The following BTN2A1 variants were observed in gnomAD, a reference collection of about 807,000 sequenced individuals.
BTN2A1 encodes butyrophilin, subfamily 2, member A1.
A neutral mutation model predicts 34.5 loss-of-function variants in BTN2A1; 41 were observed. That is an observed-to-expected ratio of 1.19 (90% CI 0.93 to 1.54). The LOEUF (loss-of-function observed/expected upper bound fraction) is 1.54, where lower values mean the gene tolerates loss of function less well. BTN2A1 is among the 40% of genes most tolerant of loss of function. The pLI is 0.00. For synonymous variants in BTN2A1, 267 were observed against 258.6 expected (o/e 1.03, Z -0.31); for missense variants, 642 against 662.0 (o/e 0.97, Z 0.33).
intron 7 of BTN2A1, 143 bp from the exon 8 acceptor site, chr6:26,467,805 G>A (rs375412477): frequency 1.0e-4 from 157 of 1,560,532 alleles, no homozygotes; most frequent in Admixed American, 5.2e-4. Context: ...TGTGTGAGCT[G>A]CCTAGGATCA....
At chr6:26,458,959 A>G (rs1479192882) in intron 2 of BTN2A1, among the ~76,000 whole-genome samples, 1 of 152,232 alleles carries the variant, frequency 6.6e-6, no homozygotes, top group Non-Finnish European at 1.5e-5. Flanking sequence ...AAAAAGTAAA[A>G]AGAAACATGA....
chr6:26,463,554 G>C (rs766642614), intron 4 of BTN2A1, 29 bp downstream of exon 4: 10 of 1,596,856 alleles, frequency 6.3e-6, no homozygotes, highest in Non-Finnish European at 7.7e-6. Flanking sequence ...GAGACTCGTC[G>C]AGTGCATGGG....
Position 26,465,350 on chromosome 6 carries a change from C to A in BTN2A1, c.878C>A (p.Ala293Asp), listed in dbSNP as rs749850901. Reference sequence around the variant, plus strand: ...TTTGAACGGGAAACAAGAGAAATTGCTCTAAAGGAACTGGAGAAAGAACGT... The same window carrying A: ...TTTGAACGGGAAACAAGAGAAATTGATCTAAAGGAACTGGAGAAAGAACGT... ...KEFERETREI[A>D]LKELEKERVQ... The change falls in exon 5 of 8, where the codon GCT (alanine) becomes GAT (aspartate). Residue 293 changes from alanine (A) to aspartate (D), a missense_variant. Ala to Asp is a moderately radical substitution (Grantham distance 126). Coordinates refer to ENST00000312541, the MANE Select transcript of BTN2A1 (RefSeq NM_007049.5). 1.2e-6 allele frequency: 2 copies of A among 1,614,036 alleles called. No homozygotes were observed. The highest frequency in any genetic ancestry group is 1.7e-6 in the Non-Finnish European group (2 of 1,180,008).
At chr6:26,463,696 A>G (rs756007685) in intron 4 of BTN2A1, among the ~76,000 whole-genome samples, 171 bp downstream of exon 4, 4 of 152,072 alleles carry the variant, frequency 2.6e-5, no homozygotes, top group Non-Finnish European at 5.9e-5. Flanking sequence ...AGGAGAATCA[A>G]AGTGTCCCAA....
At chr6:26,476,521 G>T in exon 8 of BTN2A1, 1 of 339,446 alleles carries the variant, frequency 2.9e-6, no homozygotes, top group Non-Finnish European at 5.7e-6. Context: ...AAAAGAAGCT[G>T]GAGCCCAACC....
intron 7 of BTN2A1, among the ~76,000 whole-genome samples, chr6:26,466,388 AGTT>A (rs1442432447): frequency 6.6e-6 from 1 of 152,166 alleles, no homozygotes; most frequent in Non-Finnish European, 1.5e-5. Context: ...ACATTTCAGT[AGTT>A]GTTGTTCTTT....
chr6:26,473,590 A>G (rs990524523), downstream of BTN2A1, among the ~76,000 whole-genome samples: 2 of 152,224 alleles, frequency 1.3e-5, no homozygotes, highest in African/African-American at 4.8e-5. Context: ...ACAAAAGATG[A>G]TAATATCCTC....
At chr6:26,472,078 G>A (rs888229231), downstream of BTN2A1, among the ~76,000 whole-genome samples, 2 of 152,200 alleles carry the variant, frequency 1.3e-5, no homozygotes, top group African/African-American at 4.8e-5. Flanking sequence ...AGCTTGAAAT[G>A]TCATACATGC....
At chr6:26,475,857 T>C (rs1763528783) in intron 7 of BTN2A1, among the ~76,000 whole-genome samples, 2 of 151,966 alleles carry the variant, frequency 1.3e-5, no homozygotes, top group Admixed American at 6.6e-5. Context: ...GAGAGAAGGA[T>C]AATGGGGGAG....
At chr6:26,473,077 C>G (rs1763478552), downstream of BTN2A1, among the ~76,000 whole-genome samples, 1 of 152,188 alleles carries the variant, frequency 6.6e-6, no homozygotes. Context: ...AAGACAAGTT[C>G]TCAACAAGTT....
intron 7 of BTN2A1, among the ~76,000 whole-genome samples, chr6:26,466,452 C>G (rs934756912): frequency 6.6e-6 from 1 of 152,118 alleles, no homozygotes; most frequent in Non-Finnish European, 1.5e-5. Flanking sequence ...AGCTTATATC[C>G]TGGGGATGGT....
At chr6:26,470,563 G>A (rs1295876266), downstream of BTN2A1, among the ~76,000 whole-genome samples, 1 of 152,166 alleles carries the variant, frequency 6.6e-6, no homozygotes, top group Non-Finnish European at 1.5e-5. Flanking sequence ...GGGGAGACTG[G>A]TATGTGAGTC....
Position 26,465,190 on chromosome 6 carries a change from T to C in BTN2A1, c.718T>C (p.Phe240Leu). 6.2e-7 allele frequency: 1 copy of C among 1,613,934 alleles called. No individual in the cohort carries two copies. The highest frequency in any genetic ancestry group is 1.1e-5 in the South Asian group (1 of 91,080). ...ATTTCTGGCTGCCTTTTCAGAATCCTTTATGCCCAGTGTGTCTCCCTGTGC... is the reference window on the plus strand; with the variant it reads ...ATTTCTGGCTGCCTTTTCAGAATCCCTTATGCCCAGTGTGTCTCCCTGTGC... ...KESVIFIPESFMPSVSPCAVA... is the reference protein window; with the variant it reads ...KESVIFIPESLMPSVSPCAVA... Residue 240 changes from phenylalanine (F) to leucine (L), a missense_variant, in exon 5 of 8, where the codon TTT becomes CTT. Transcript: ENST00000312541.
intron 3 of BTN2A1, 103 bp from the exon 4 acceptor site, chr6:26,463,139 CCT>C: frequency 7.5e-7 from 1 of 1,325,144 alleles, no homozygotes; most frequent in East Asian, 2.3e-5. Context: ...TTCCTATCTC[CCT>C]CTTTTTTACC....
chr6:26,467,653 A>G, intron 7 of BTN2A1: 5 of 1,475,888 alleles, frequency 3.4e-6, no homozygotes, highest in Non-Finnish European at 4.6e-6. Context: ...CACATCTTAG[A>G]ATGCTGAGAG....
Position 26,465,212 on chromosome 6 carries a change from G to T in BTN2A1, c.740G>T (p.Cys247Phe). The change falls in exon 5 of 8, where the codon TGT becomes TTT. Residue 247 changes from cysteine to phenylalanine, a missense_variant. By Grantham distance (205) the Cys-to-Phe change is radical (BLOSUM62 -2). Transcript: ENST00000312541. The stretch of plus-strand genomic sequence containing the variant: ...TCCTTTATGCCCAGTGTGTCTCCCT[G>T]TGCAGTGGCCCTGCCTATCATTGTG... The part of the protein sequence containing the change: ...PESFMPSVSP[C>F]AVALPIIVVI... The T allele has an allele frequency of 6.2e-7, 1 of 1,614,116 alleles. No individual in the cohort carries two copies. Among genetic ancestry groups the T allele is most frequent in the African/African-American group, 1.3e-5 (1 of 75,030 alleles).
rs1409764863 is a variant in BTN2A1, at chr6:26,468,201, G to T, written c.1236G>T (p.Glu412Asp). The change falls in exon 8 of 8, where the codon GAG becomes GAT. Residue 412 changes from glutamate (E) to aspartate (D), a missense_variant. By Grantham distance (45) the Glu-to-Asp change is conservative. Coordinates refer to ENST00000312541, the MANE Select transcript of BTN2A1 (RefSeq NM_007049.5). The part of the protein sequence containing the change: ...VCRDSVERKG[E>D]VLLIPQNGFW... ...GAGACAGTGTTGAGAGGAAAGGGGAGGTCCTGCTGATTCCTCAGAATGGCT... is the reference window on the plus strand; with the variant it reads ...GAGACAGTGTTGAGAGGAAAGGGGATGTCCTGCTGATTCCTCAGAATGGCT... 2 of 1,614,156 alleles carry T rather than the reference G, an allele frequency of 1.2e-6. No individual in the cohort carries two copies. Among genetic ancestry groups the T allele is most frequent in the Non-Finnish European group, 1.7e-6 (2 of 1,180,020 alleles).
downstream of BTN2A1, among the ~76,000 whole-genome samples, chr6:26,470,608 C>A (rs192751350): frequency 1.4e-4 from 22 of 152,238 alleles, no homozygotes; most frequent in Non-Finnish European, 1.5e-5. Flanking sequence ...CCATCAATAT[C>A]TTTGGGCACC....
At position 26,468,071 on chromosome 6, in the gene BTN2A1, T is replaced by TCGA. The variant is rs1561873400; in HGVS notation, c.1108_1110dup (p.Asp370dup). ...AGCGTGCCTGACAACCCAGAGAGAT[T>TCGA]CGACAGTCAGCCTTGTGTCCTAGGC... On this transcript the variant is annotated inframe_insertion, in exon 8 of 8. Coordinates refer to ENST00000312541, the MANE Select transcript of BTN2A1 (RefSeq NM_007049.5). 1 of 1,614,208 alleles carries TCGA rather than the reference T, an allele frequency of 6.2e-7. No homozygotes were observed. The highest frequency in any genetic ancestry group is 2.2e-5 in the East Asian group (1 of 44,878).
Sources: gnomAD v4.1 joint callset for allele counts (sites outside exome capture counted in the v4.1 genomes callset) on GRCh38, gnomAD v4.1.1 for gene constraint, MANE v1.5 for transcripts, NCBI Gene and HGNC (gene_info 2026-07-23, HGNC 2026-07-21) for gene names.